Variants in LINGO3 observed in about 807,000 individuals in gnomAD.
LINGO3 encodes the protein leucine-rich repeat and immunoglobulin-like domain-containing nogo receptor-interacting protein 3.
For missense variants in LINGO3, 750 were observed against 867.7 expected (o/e 0.86, Z 1.70); for synonymous variants, 427 against 444.2 (o/e 0.96, Z 0.49).
chr19:2,303,159 C>G, the LINGO3 span, among the ~76,000 whole-genome samples: 110,536 of 152,136 alleles, frequency 0.73, 41,581 homozygotes, highest in Non-Finnish European at 0.83. Flanking sequence ...GGACCCCCAC[C>G]CATCTGCTTC....
exon 1 of LINGO3, chr19:2,291,049 A>G: frequency 6.2e-7 from 1 of 1,610,262 alleles, no homozygotes; most frequent in Non-Finnish European, 8.5e-7. Context: ...CAGGCCCCGC[A>G]GGCTGCCCGC....
Position 2,290,439 on chromosome 19 carries a change from G to A in LINGO3, c.1338C>T (p.His446=). ...CCGCGCTGGTGGCCGTCACCGGCCG[G>A]TGCTGGGGGGTCACCCAGGCCACGG... Residue 446 remains histidine, a synonymous_variant, in exon 1 of 1, where the codon CAC becomes CAT. Coordinates refer to ENST00000585527, the Ensembl canonical transcript of LINGO3. This position sits in a 1 kb window ranked among gnomAD's most constrained non-coding sequence, Gnocchi z 6.0. 2.1e-6 allele frequency: 3 copies of A among 1,449,190 alleles called. No individual in the cohort carries two copies. The highest frequency in any genetic ancestry group is 5.3e-5 in the Admixed American group (2 of 37,906). The allele number at this position is 1,449,190 out of a possible 1,614,324, so 89.8% of individuals were successfully genotyped here. A position where few individuals can be genotyped will look rare whatever the true frequency, so the allele number is the denominator to read the frequency against.
chr19:2,290,256 C>T lies in LINGO3; in HGVS notation c.1521G>A (p.Pro507=), dbSNP rs1462592221. ...CCAGCGTCTCGTTGTGGGCCTCGCC[C>T]GGGGTCCGGTTGGCGGCCGGCTCGG... The change falls in exon 1 of 1, where the codon CCG becomes CCA. Residue 507 remains proline (P), a synonymous_variant. Transcript: ENST00000585527. This position sits in a 1 kb window ranked among gnomAD's most constrained non-coding sequence, Gnocchi z 6.0. The T allele has an allele frequency of 1.2e-6, 2 of 1,601,134 alleles. No homozygotes were observed. Among genetic ancestry groups the T allele is most frequent in the Non-Finnish European group, 1.7e-6 (2 of 1,177,204 alleles).
At chr19:2,304,539 G>A in the LINGO3 span, among the ~76,000 whole-genome samples, 13 of 151,434 alleles carry the variant, frequency 8.6e-5, no homozygotes, top group African/African-American at 2.9e-4. Flanking sequence ...CCTCACGAGA[G>A]GAGGCGGGAG....
At chr19:2,289,675 T>A, downstream of LINGO3, 1 of 304,894 alleles carries the variant, frequency 3.3e-6, no homozygotes, top group Non-Finnish European at 6.1e-6. Flanking sequence ...GATCCTGGGG[T>A]CTCTGAGCGC....
At chr19:2,291,511 G>T (rs775309301) in exon 1 of LINGO3, 1 of 1,610,430 alleles carries the variant, frequency 6.2e-7, no homozygotes, top group Non-Finnish European at 8.5e-7. Context: ...GTGCGCGATG[G>T]CGTTCTCGCT....
exon 1 of LINGO3, chr19:2,291,519 G>C (rs762008973): frequency 6.2e-7 from 1 of 1,609,486 alleles, no homozygotes. Flanking sequence ...TGGCGTTCTC[G>C]CTCAGGTCCA....
chr19:2,302,468 C>T, the LINGO3 span, among the ~76,000 whole-genome samples: 1 of 152,244 alleles, frequency 6.6e-6, no homozygotes, highest in Non-Finnish European at 1.5e-5. Flanking sequence ...GCTGTGTCCT[C>T]GGGTGACGTC....
downstream of LINGO3, among the ~76,000 whole-genome samples, chr19:2,287,934 A>C (rs554660149): frequency 5.3e-4 from 80 of 152,254 alleles, no homozygotes; most frequent in African/African-American, 1.7e-3. The surrounding 1 kb of genome is among the most constrained non-coding windows in gnomAD (Gnocchi z 4.5). Flanking sequence ...TTGGCCCAAC[A>C]GTGGTTCCTG....
the LINGO3 span, among the ~76,000 whole-genome samples, chr19:2,297,070 C>T: frequency 4.6e-5 from 7 of 151,090 alleles, no homozygotes; most frequent in East Asian, 4.1e-4. Flanking sequence ...CCAACCTGGG[C>T]GACAGAGCGA....
upstream of LINGO3, among the ~76,000 whole-genome samples, chr19:2,295,783 G>A (rs1482900647): frequency 2.0e-5 from 3 of 152,118 alleles, no homozygotes; most frequent in African/African-American, 7.2e-5. Context: ...CTGAATTCTG[G>A]ATTTAGGTGG....
chr19:2,304,058 G>A, the LINGO3 span, among the ~76,000 whole-genome samples: 64 of 152,302 alleles, frequency 4.2e-4, 1 homozygote, highest in African/African-American at 1.5e-3. Context: ...ATTGGGTGCC[G>A]GCTGGGGTCA....
chr19:2,292,323 AG>A (rs1233962607), upstream of LINGO3, among the ~76,000 whole-genome samples: 1 of 133,502 alleles, frequency 7.5e-6, no homozygotes, highest in Non-Finnish European at 1.6e-5. Flanking sequence ...GCTTGAGCCC[AG>A]GGGGTTGAGG....
exon 1 of LINGO3, chr19:2,291,489 G>A: frequency 1.9e-6 from 3 of 1,612,138 alleles, no homozygotes; most frequent in Non-Finnish European, 1.7e-6. Flanking sequence ...TGGCGAAGGC[G>A]CCGGGCTCCA....
upstream of LINGO3, among the ~76,000 whole-genome samples, chr19:2,293,061 GTTTC>G (rs71176536): frequency 9.1e-4 from 137 of 151,052 alleles, no homozygotes; most frequent in South Asian, 3.8e-3. Flanking sequence ...GTATGACCCC[GTTTC>G]TTTCTTTCTT....
At chr19:2,291,145 G>C (rs1445470631) in exon 1 of LINGO3, 14 of 1,607,290 alleles carry the variant, frequency 8.7e-6, no homozygotes, top group Non-Finnish European at 1.1e-5. Context: ...CTCCAGGGAG[G>C]CGATGGCCAG....
In LINGO3 at chr19:2,291,715, G is replaced by T. The variant is rs774866588; in HGVS notation, c.62C>A (p.Pro21Gln). The T allele has an allele frequency of 9.0e-6, 12 of 1,339,346 alleles. No homozygotes were observed. The East Asian group carries it at 4.0e-4, about 45-fold the overall frequency. The allele number at this position is 1,339,346 out of a possible 1,614,324, so 83.0% of individuals were successfully genotyped here. ...GCAGCGGGCCGGGCAGCCTCCAGCC[G>T]GGGGCGGCGCCGCGGGCAGCAGGAG... The change falls in exon 1 of 1, where the codon CCG becomes CAG. Residue 21 changes from proline (P) to glutamine (Q), a missense_variant. Transcript: ENST00000585527.
chr19:2,302,025 C>T, the LINGO3 span, among the ~76,000 whole-genome samples: 11 of 149,040 alleles, frequency 7.4e-5, no homozygotes, highest in Non-Finnish European at 1.5e-5. Flanking sequence ...CAGAAAGTCC[C>T]TGTTCTTTTA....
downstream of LINGO3, among the ~76,000 whole-genome samples, chr19:2,288,054 G>A (rs1378351007): frequency 6.6e-6 from 1 of 152,174 alleles, no homozygotes; most frequent in Non-Finnish European, 1.5e-5. This position sits in a 1 kb window ranked among gnomAD's most constrained non-coding sequence, Gnocchi z 6.5. Flanking sequence ...TCCCGGTCTG[G>A]TGCCTGAATC....
Sources: allele counts gnomAD v4.1 joint callset (sites outside exome capture counted in the v4.1 genomes callset), GRCh38; gene constraint gnomAD v4.1.1; non-coding constraint Gnocchi (gnomAD v3.1); transcripts MANE v1.5; gene names NCBI Gene and HGNC (gene_info 2026-07-23, HGNC 2026-07-21).